The following DOCK1 variants were observed in gnomAD, a reference collection of about 807,000 sequenced individuals.
DOCK1 encodes the protein dedicator of cytokinesis 1, also known as dedicator of cytokinesis protein 1.
DOCK1 carries 138 observed loss-of-function variants against 262.7 expected under a neutral mutation model. The ratio of observed to expected loss-of-function variants is 0.53; its 90% confidence interval spans 0.46 to 0.61. The LOEUF (loss-of-function observed/expected upper bound fraction) is 0.61, where lower values mean the gene tolerates loss of function less well. DOCK1 is among the 20% of genes least tolerant of loss of function. The pLI, the probability that DOCK1 is intolerant of heterozygous loss-of-function variation, is 0.00. For synonymous variants in DOCK1, 866 were observed against 867.4 expected (o/e 1.00, Z 0.03); for missense variants, 1,908 against 2,370.7 (o/e 0.80, Z 4.05).
At chr10:127,067,772 C>A (rs932437581) in intron 23 of DOCK1, among the ~76,000 whole-genome samples, 1 of 152,108 alleles carries the variant, frequency 6.6e-6, no homozygotes, top group African/African-American at 2.4e-5. Flanking sequence ...AGGACTCTGC[C>A]CCTCTGTCTC....
chr10:126,932,550 T>C (rs36164294), intron 1 of DOCK1, among the ~76,000 whole-genome samples: 75,693 of 151,960 alleles, frequency 0.5, 20,740 homozygotes, highest in African/African-American at 0.73. Context: ...CACCAGGATA[T>C]GTGGCCGTGT....
At chr10:127,388,702 C>G (rs750354137) in intron 38 of DOCK1, among the ~76,000 whole-genome samples, 7 of 152,178 alleles carry the variant, frequency 4.6e-5, no homozygotes, top group Admixed American at 2.0e-4. Flanking sequence ...CCGGAGAGGA[C>G]AGCAAAGAGT....
At chr10:127,308,593 A>G (rs937388970) in intron 29 of DOCK1, among the ~76,000 whole-genome samples, 8 of 151,800 alleles carry the variant, frequency 5.3e-5, no homozygotes, top group Non-Finnish European at 1.0e-4. Flanking sequence ...CTTGCTGCCA[A>G]CCCCCTGACA....
Position 127,032,321 on chromosome 10 carries a change from G to T in DOCK1, c.1912+1G>T, listed in dbSNP as rs2043294464. ...TGCTCCACCAAACTGACTCAGAACG[G>T]TGCGTTCGAGAGGAGAAACACACTC... is the stretch of plus-strand genomic sequence containing the variant. On this transcript the variant is annotated splice_donor_variant, in intron 18 of 51. Coordinates refer to ENST00000623213, the MANE Select transcript of DOCK1 (RefSeq NM_001290223.2). LOFTEE classifies it high-confidence loss of function. 6.5e-6 allele frequency: 10 copies of T among 1,529,510 alleles called. No individual in the cohort carries two copies. The highest frequency in any genetic ancestry group is 8.7e-6 in the Non-Finnish European group (10 of 1,143,286). The allele number at this position is 1,529,510 out of a possible 1,614,324, so 94.7% of individuals were successfully genotyped here. A position where few individuals can be genotyped will look rare whatever the true frequency, so the allele number is the denominator to read the frequency against.
intron 1 of DOCK1, among the ~76,000 whole-genome samples, chr10:126,906,424 C>A (rs1432821590): frequency 6.6e-6 from 1 of 152,194 alleles, no homozygotes; most frequent in Non-Finnish European, 1.5e-5. Flanking sequence ...TCTTCGTGAT[C>A]TGCGCGCCTG....
intron 25 of DOCK1, among the ~76,000 whole-genome samples, chr10:127,120,232 G>A (rs2049467671): frequency 6.6e-6 from 1 of 152,218 alleles, no homozygotes; most frequent in South Asian, 2.1e-4. Context: ...GTGACAGGGT[G>A]TCTGATAAGA....
chr10:126,923,975 C>T (rs529361102), intron 1 of DOCK1, among the ~76,000 whole-genome samples: 1 of 152,326 alleles, frequency 6.6e-6, no homozygotes, highest in Admixed American at 6.5e-5. Context: ...GCCTCCACAA[C>T]TGTGGGAAAT....
chr10:126,943,739 CT>C (rs1433861701), intron 1 of DOCK1, among the ~76,000 whole-genome samples: 1 of 151,950 alleles, frequency 6.6e-6, no homozygotes, highest in African/African-American at 2.4e-5. Context: ...GAAGAAGCGG[CT>C]TTTTAAATAG....
chr10:127,285,030 CT>C (rs372469600), intron 29 of DOCK1, among the ~76,000 whole-genome samples: 17 of 151,794 alleles, frequency 1.1e-4, no homozygotes, highest in Admixed American at 1.3e-4. Flanking sequence ...CCCAGCTACT[CT>C]GGAGGGTGAG....
chr10:127,194,641 C>T (rs867733086), intron 27 of DOCK1, among the ~76,000 whole-genome samples: 1 of 152,092 alleles, frequency 6.6e-6, no homozygotes, highest in Non-Finnish European at 1.5e-5. Flanking sequence ...CATCAAGTAC[C>T]CAGCCAGCGC....
At chr10:127,153,985 C>T (rs554238351) in intron 27 of DOCK1, 2 of 1,194,464 alleles carry the variant, frequency 1.7e-6, no homozygotes, top group African/African-American at 1.5e-5. Flanking sequence ...CTTTATAGAG[C>T]AGATGCCTCA....
At chr10:127,388,476 T>A (rs2066265873) in intron 38 of DOCK1, among the ~76,000 whole-genome samples, 1 of 152,116 alleles carries the variant, frequency 6.6e-6, no homozygotes. Context: ...AGGCAAAAAA[T>A]TCATTTTAAC....
intron 27 of DOCK1, among the ~76,000 whole-genome samples, chr10:127,208,013 AC>A (rs2057800863): frequency 6.6e-6 from 1 of 152,188 alleles, no homozygotes; most frequent in Non-Finnish European, 1.5e-5. Context: ...TTGTAGGCTC[AC>A]CCGGCCTCCT....
intron 12 of DOCK1, among the ~76,000 whole-genome samples, chr10:127,016,301 C>T (rs1407214761): frequency 6.6e-6 from 1 of 152,068 alleles, no homozygotes; most frequent in Non-Finnish European, 1.5e-5. Flanking sequence ...CACCAGCTGG[C>T]AAAGAACAAA....
intron 23 of DOCK1, among the ~76,000 whole-genome samples, chr10:127,095,661 CTGTGTGTGTGTG>C (rs61224822): frequency 3.4e-5 from 5 of 148,100 alleles, no homozygotes; most frequent in East Asian, 2.0e-4. Context: ...GGCCAGGAAG[CTGTGTGTGTGTG>C]TGTGTGTGTG....
At chr10:127,387,735 G>T (rs183152647) in intron 38 of DOCK1, among the ~76,000 whole-genome samples, 1 of 152,264 alleles carries the variant, frequency 6.6e-6, no homozygotes, top group Non-Finnish European at 1.5e-5. Context: ...TTATGGACGT[G>T]TGTGGAAAGA....
intron 32 of DOCK1, among the ~76,000 whole-genome samples, chr10:127,357,701 A>T (rs1198484705): frequency 6.6e-6 from 1 of 152,200 alleles, no homozygotes; most frequent in Non-Finnish European, 1.5e-5. Context: ...ACCAAAGCCA[A>T]TTAGGGTCAG....
At chr10:127,334,805 C>T (rs1027001042) in intron 29 of DOCK1, among the ~76,000 whole-genome samples, 1 of 152,128 alleles carries the variant, frequency 6.6e-6, no homozygotes, top group Non-Finnish European at 1.5e-5. Context: ...AATTAATTCT[C>T]CTGGCTCAGA....
At chr10:127,115,323 TGA>T (rs2049116995) in intron 25 of DOCK1, among the ~76,000 whole-genome samples, 1 of 152,144 alleles carries the variant, frequency 6.6e-6, no homozygotes, top group South Asian at 2.1e-4. Context: ...GCAGTGTGTG[TGA>T]GAGTCAATAG....
Sources: allele counts gnomAD v4.1 joint callset (sites outside exome capture counted in the v4.1 genomes callset), GRCh38; gene constraint gnomAD v4.1.1; transcripts MANE v1.5; gene names NCBI Gene and HGNC (gene_info 2026-07-23, HGNC 2026-07-21).